The following ANTXRL variants were observed in gnomAD, a reference collection of about 807,000 sequenced individuals.
ANTXRL encodes anthrax toxin receptor-like.
A neutral mutation model predicts 75.4 loss-of-function variants in ANTXRL; 63 were observed. The ratio of observed to expected loss-of-function variants is 0.84; its 90% CI spans 0.68 to 1.03. The LOEUF (loss-of-function observed/expected upper bound fraction) is 1.03, where lower values mean the gene tolerates loss of function less well. Ranked by LOEUF, ANTXRL falls within the 50% of genes least tolerant of loss-of-function variation. The pLI is 0.00. For synonymous variants in ANTXRL, 335 were observed against 291.3 expected (o/e 1.15, Z -1.53); for missense variants, 797 against 789.4 (o/e 1.01, Z -0.12).
intron 10 of ANTXRL, among the ~76,000 whole-genome samples, chr10:46,305,759 A>G (rs547961317): frequency 1.1e-4 from 16 of 152,282 alleles, no homozygotes; most frequent in African/African-American, 3.9e-4. Flanking sequence ...ATGAGTAAAT[A>G]GATACATAAA....
chr10:46,291,923 G>T, intron 1 of ANTXRL, 135 bp from the exon 2 acceptor site: 1 of 759,656 alleles, frequency 1.3e-6, no homozygotes, highest in Non-Finnish European at 2.2e-6. Context: ...GGCCACTGGG[G>T]GTGTACCCCA....
At chr10:46,295,871 G>A (rs149192770) in intron 3 of ANTXRL, 148 bp from the exon 4 acceptor site, 3 of 698,354 alleles carry the variant, frequency 4.3e-6, no homozygotes, top group East Asian at 2.7e-5. Flanking sequence ...AAATCACAAT[G>A]AGGAATGAGG....
intron 1 of ANTXRL, among the ~76,000 whole-genome samples, chr10:46,290,337 C>T (rs1361018263): frequency 1.3e-5 from 2 of 152,162 alleles, no homozygotes; most frequent in East Asian, 1.9e-4. Context: ...CCACCTCGCC[C>T]GGCCTGTTTA....
chr10:46,288,731 C>CA (rs782322522), intron 1 of ANTXRL, among the ~76,000 whole-genome samples: 1 of 152,120 alleles, frequency 6.6e-6, no homozygotes, highest in African/African-American at 2.4e-5. Flanking sequence ...GAGGCGATGA[C>CA]AGAGGATGGG....
At chr10:46,295,323 C>T (rs1554958213) in intron 3 of ANTXRL, among the ~76,000 whole-genome samples, 3 of 152,126 alleles carry the variant, frequency 2.0e-5, no homozygotes, top group Non-Finnish European at 2.9e-5. Flanking sequence ...TGTTAAAGGA[C>T]GGAGTGCCCA....
At chr10:46,311,691 C>A in intron 15 of ANTXRL, 26 bp downstream of exon 15, 1 of 835,100 alleles carries the variant, frequency 1.2e-6, no homozygotes, top group Non-Finnish European at 2.0e-6. Flanking sequence ...TGGAGAGGGG[C>A]TGTGACCCCA....
chr10:46,308,523 C>G (rs1276972472), intron 12 of ANTXRL: 11 of 440,884 alleles, frequency 2.5e-5, no homozygotes, highest in African/African-American at 2.2e-4. Context: ...ACGGATGCCG[C>G]CCAAGATTCC....
chr10:46,299,257 C>G (rs1200265343), intron 9 of ANTXRL, among the ~76,000 whole-genome samples: 1 of 152,122 alleles, frequency 6.6e-6, no homozygotes. Context: ...ACCCTATGAG[C>G]AGAAGGAAAC....
intron 16 of ANTXRL, among the ~76,000 whole-genome samples, chr10:46,315,787 A>G (rs1330533882): frequency 1.3e-5 from 2 of 152,168 alleles, no homozygotes; most frequent in Non-Finnish European, 2.9e-5. Flanking sequence ...ACATTTTTGC[A>G]TTTTGGCACA....
intron 2 of ANTXRL, among the ~76,000 whole-genome samples, chr10:46,293,577 G>GCT (rs1554957508): frequency 2.8e-5 from 4 of 143,628 alleles, no homozygotes; most frequent in Non-Finnish European, 6.3e-5. Context: ...GTGTGTGCGC[G>GCT]TGTGTGTGTG....
rs374423779 is a variant in ANTXRL, at chr10:46,321,188, G to A, written c.1410+7872G>A. Among the ~76,000 whole-genome samples the A allele has an allele frequency of 3.9e-5, 6 of 152,100 alleles. No individual in the cohort carries two copies. The South Asian group carries it at 6.2e-4, about 16-fold the overall frequency. ...TTTTAGCCCACAAACCCAATTGCTC[G>A]GGTTTTATGCTGGAGCAGAAGCTTG... On this transcript the variant is annotated intron_variant, in intron 16 of 16. Transcript: ENST00000620264.
At chr10:46,317,333 A>G (rs1316959862) in intron 16 of ANTXRL, among the ~76,000 whole-genome samples, 1 of 152,248 alleles carries the variant, frequency 6.6e-6, no homozygotes, top group East Asian at 1.9e-4. Flanking sequence ...ACTGAAATTT[A>G]CACATGATAC....
intron 9 of ANTXRL, among the ~76,000 whole-genome samples, chr10:46,299,415 T>A (rs1837582201): frequency 6.6e-6 from 1 of 152,158 alleles, no homozygotes; most frequent in Non-Finnish European, 1.5e-5. Flanking sequence ...GTGACAGTCC[T>A]GTGTGGGCCT....
intron 3 of ANTXRL, 121 bp from the exon 4 acceptor site, chr10:46,295,898 C>T (rs1837348441): frequency 5.0e-6 from 4 of 803,780 alleles, no homozygotes; most frequent in Non-Finnish European, 4.1e-6. Context: ...AAGCCCTTGC[C>T]TGGGCCCCTC....
intron 9 of ANTXRL, among the ~76,000 whole-genome samples, chr10:46,301,581 G>T (rs1414403336): frequency 6.6e-6 from 1 of 152,188 alleles, no homozygotes; most frequent in East Asian, 1.9e-4. Context: ...GGTTCCCTAG[G>T]TCCCAGCCAG....
chr10:46,298,750 G>C (rs1837537481), intron 9 of ANTXRL, among the ~76,000 whole-genome samples: 1 of 150,992 alleles, frequency 6.6e-6, no homozygotes, highest in Non-Finnish European at 1.5e-5. Flanking sequence ...GGTATTTTTG[G>C]TGTATGTGTG....
Position 46,287,022 on chromosome 10 carries a change from G to A in ANTXRL, c.-241G>A, listed in dbSNP as rs1257351704. ...CATAACAGAGAATTCTGTCCCCAGG[G>A]TGGGGGAAGGGCCAGGCAGGTAGCT... On this transcript the variant is annotated 5_prime_UTR_variant, in exon 1 of 17. It adds an upstream start codon to the 5' untranslated region. Coordinates refer to ENST00000620264, the MANE Select transcript of ANTXRL (RefSeq NM_001278688.3). 4 of 573,354 alleles carry A rather than the reference G, an allele frequency of 7.0e-6. No individual in the cohort carries two copies. Among genetic ancestry groups the A allele is most frequent in the African/African-American group, 3.8e-5 (2 of 53,250 alleles). 35.5% of individuals were successfully genotyped at this position (573,354 alleles called of 1,614,324 possible).
intron 12 of ANTXRL, among the ~76,000 whole-genome samples, chr10:46,308,046 C>T (rs1227272594): frequency 6.6e-6 from 1 of 152,172 alleles, no homozygotes; most frequent in Non-Finnish European, 1.5e-5. Context: ...CTCTTCAGAG[C>T]TCCATGTCTT....
Position 46,329,904 on chromosome 10 carries a change from C to T in ANTXRL, c.1716C>T (p.Asn572=), listed in dbSNP as rs1450375467. The part of the protein sequence containing the change: ...EYFSQAQTLC[N]PKSCLQPSRE... ...TTTCCCAAGCACAGACTCTGTGCAA[C>T]CCAAAGAGCTGCCTTCAACCCAGCC... The change falls in exon 17 of 17, where the codon AAC becomes AAT. Residue 572 remains asparagine (N), a synonymous_variant. Transcript: ENST00000620264. 1.3e-6 allele frequency: 2 copies of T among 1,535,924 alleles called. No homozygotes were observed. The highest frequency in any genetic ancestry group is 1.7e-6 in the Non-Finnish European group (2 of 1,146,740).
Sources: gnomAD v4.1 joint callset for allele counts (sites outside exome capture counted in the v4.1 genomes callset) on GRCh38, gnomAD v4.1.1 for gene constraint, MANE v1.5 for transcripts, NCBI Gene and HGNC (gene_info 2026-07-23, HGNC 2026-07-21) for gene names.